LUZP2: variants seen among roughly 807,000 people sequenced by gnomAD.
LUZP2 encodes leucine zipper protein 2.
LUZP2 carries 52 observed loss-of-function variants against 51.6 expected under a neutral mutation model. The observed-to-expected ratio is 1.01, with a 90% CI of 0.81 to 1.27. LUZP2 has a LOEUF of 1.27. Ranked by LOEUF, LUZP2 falls within the 50% of genes most tolerant of loss-of-function variation. The pLI is 0.00. For synonymous variants in LUZP2, 154 were observed against 137.3 expected (o/e 1.12, Z -0.85); for missense variants, 436 against 395.4 (o/e 1.10, Z -0.87).
intron 7 of LUZP2, among the ~76,000 whole-genome samples, chr11:24,954,665 G>A (rs1041532994): frequency 1.3e-5 from 2 of 152,036 alleles, no homozygotes; most frequent in African/African-American, 2.4e-5. Flanking sequence ...TTAACTGCTT[G>A]AAACCTGCCA....
intron 6 of LUZP2, among the ~76,000 whole-genome samples, chr11:24,912,509 T>A (rs2133798680): frequency 6.6e-6 from 1 of 152,192 alleles, no homozygotes; most frequent in East Asian, 1.9e-4. Flanking sequence ...GTACACTGCA[T>A]AATTAGAAAT....
intron 1 of LUZP2, among the ~76,000 whole-genome samples, chr11:24,528,697 C>A (rs1850897097): frequency 6.6e-6 from 1 of 151,040 alleles, no homozygotes; most frequent in Non-Finnish European, 1.5e-5. Context: ...AACAAAGCAA[C>A]CTGGAGATTC....
intron 4 of LUZP2, among the ~76,000 whole-genome samples, chr11:24,758,594 G>C (rs1859860545): frequency 6.6e-6 from 1 of 151,966 alleles, no homozygotes; most frequent in East Asian, 1.9e-4. Flanking sequence ...CTGAAAGGAA[G>C]ACTATAGTTG....
chr11:24,773,903 G>A (rs1411848704), intron 5 of LUZP2, among the ~76,000 whole-genome samples: 1 of 152,068 alleles, frequency 6.6e-6, no homozygotes, highest in Non-Finnish European at 1.5e-5. Context: ...GCCACATGTA[G>A]CCAATGTAGC....
At chr11:24,852,761 T>C (rs899103769) in intron 5 of LUZP2, among the ~76,000 whole-genome samples, 2 of 152,216 alleles carry the variant, frequency 1.3e-5, no homozygotes, top group African/African-American at 4.8e-5. Context: ...TGCTCCTGTA[T>C]TGGGTGCATA....
intron 4 of LUZP2, among the ~76,000 whole-genome samples, chr11:24,751,158 C>A (rs139667167): frequency 7.2e-5 from 11 of 152,242 alleles, no homozygotes; most frequent in African/African-American, 2.6e-4. Context: ...CCATTGCTAA[C>A]TCATTCCCCC....
chr11:24,931,088 G>T (rs75254774), intron 7 of LUZP2, among the ~76,000 whole-genome samples: 11,698 of 151,850 alleles, frequency 0.077, 919 homozygotes, highest in African/African-American at 0.2. Context: ...GCGCGTGCCT[G>T]TAATCCCACC....
At chr11:24,955,079 G>A (rs1855177770) in intron 7 of LUZP2, among the ~76,000 whole-genome samples, 1 of 151,934 alleles carries the variant, frequency 6.6e-6, no homozygotes, top group South Asian at 2.1e-4. Context: ...ATATCTCCCT[G>A]GCAGCCTAGC....
In LUZP2 at chr11:24,637,460, G is replaced by A. The variant is rs540680000; in HGVS notation, c.63-91709G>A. 1.0e-3 allele frequency among the ~76,000 whole-genome samples: 157 copies of A among 151,912 alleles called. 2 individuals are homozygous for A. Among genetic ancestry groups the A allele is most frequent in the Admixed American group, 2.9e-3 (44 of 15,268 alleles). ...AATAACAGCTATTTTCAGAGAACAAGGAAAGATAACCATAAGATCTGACTG... is the reference window on the plus strand; with the variant it reads ...AATAACAGCTATTTTCAGAGAACAAAGAAAGATAACCATAAGATCTGACTG... On this transcript the variant is annotated intron_variant, in intron 1 of 11. Coordinates refer to ENST00000336930, the MANE Select transcript of LUZP2 (RefSeq NM_001009909.4).
At chr11:24,566,594 G>GTATATATATA (rs199745442) in intron 1 of LUZP2, among the ~76,000 whole-genome samples, 3 of 130,704 alleles carry the variant, frequency 2.3e-5, no homozygotes, top group African/African-American at 9.3e-5. Context: ...ATGTATGTGT[G>GTATATATATA]TATATATATA....
At chr11:24,532,689 C>A (rs962347850) in intron 1 of LUZP2, among the ~76,000 whole-genome samples, 2 of 150,942 alleles carry the variant, frequency 1.3e-5, no homozygotes, top group Non-Finnish European at 3.0e-5. Context: ...GTAGTGCTAG[C>A]CTAACAGGCA....
intron 1 of LUZP2, among the ~76,000 whole-genome samples, chr11:24,540,660 G>A (rs1439242064): frequency 6.6e-6 from 1 of 152,058 alleles, no homozygotes; most frequent in Non-Finnish European, 1.5e-5. Context: ...CATGCCAACT[G>A]TCCTTTAGAA....
At chr11:24,905,940 T>A in intron 5 of LUZP2, 51 bp from the exon 6 acceptor site, 1 of 1,297,928 alleles carries the variant, frequency 7.7e-7, no homozygotes, top group Non-Finnish European at 1.1e-6. Flanking sequence ...GTTGAAGGAA[T>A]TCTTAATATT....
intron 1 of LUZP2, among the ~76,000 whole-genome samples, chr11:24,715,316 T>TGTGTGTGTGTGTGTGTGTG (rs1554978606): frequency 6.7e-6 from 1 of 148,546 alleles, no homozygotes; most frequent in Non-Finnish European, 1.5e-5. Context: ...TGCATGCGTA[T>TGTGTGTGTGTGTGTGTGTG]TTCTAAATAT....
intron 1 of LUZP2, among the ~76,000 whole-genome samples, chr11:24,579,308 C>T (rs543084930): frequency 6.6e-6 from 1 of 151,866 alleles, no homozygotes; most frequent in Non-Finnish European, 1.5e-5. Flanking sequence ...GAGTGAATTG[C>T]AATTTATTAT....
chr11:24,972,991 G>A (rs1244060942), intron 7 of LUZP2, among the ~76,000 whole-genome samples: 1 of 150,526 alleles, frequency 6.6e-6, no homozygotes, highest in Non-Finnish European at 1.5e-5. Flanking sequence ...GATAGTTTTA[G>A]TAGAAATAGT....
At chr11:24,999,695 T>A (rs1856621986) in intron 9 of LUZP2, among the ~76,000 whole-genome samples, 1 of 152,114 alleles carries the variant, frequency 6.6e-6, no homozygotes, top group Non-Finnish European at 1.5e-5. Context: ...ACACATGCAA[T>A]GTTATATATA....
chr11:24,733,864 G>T (rs2133975483), intron 3 of LUZP2, among the ~76,000 whole-genome samples: 1 of 151,764 alleles, frequency 6.6e-6, no homozygotes, highest in Admixed American at 6.6e-5. Context: ...AACAAAAATT[G>T]ATTTCTGCAC....
At chr11:25,004,484 C>T (rs1470077033) in intron 9 of LUZP2, among the ~76,000 whole-genome samples, 1 of 152,042 alleles carries the variant, frequency 6.6e-6, no homozygotes, top group Non-Finnish European at 1.5e-5. Context: ...TTTAATAATG[C>T]CTCCAGATTT....
Sources: allele counts gnomAD v4.1 joint callset (sites outside exome capture counted in the v4.1 genomes callset), GRCh38; gene constraint gnomAD v4.1.1; transcripts MANE v1.5; gene names NCBI Gene and HGNC (gene_info 2026-07-23, HGNC 2026-07-21).